NEMP2: variants seen among roughly 807,000 people sequenced by gnomAD.
NEMP2 encodes the protein UPF0571 transmembrane protein.
NEMP2 carries 53 observed loss-of-function variants against 54.2 expected under a neutral mutation model. The ratio of observed to expected loss-of-function variants is 0.98; its 90% CI spans 0.78 to 1.23. The LOEUF is 1.23. NEMP2 is among the 50% of genes most tolerant of loss of function. The pLI is 0.00. For missense variants in NEMP2, 455 were observed against 511.3 expected, an observed-to-expected ratio of 0.89 and a Z score of 1.06; for synonymous variants, 197 against 190.3, an observed-to-expected ratio of 1.04 and a Z score of -0.29.
At position 190,522,268 on chromosome 2, in the gene NEMP2, G is replaced by T. The variant is rs986018712; in HGVS notation, c.213+2995C>A. Among the ~76,000 whole-genome samples the T allele has an allele frequency of 2.6e-5, 4 of 152,050 alleles. No individual in the cohort carries two copies. The highest frequency in any genetic ancestry group is 7.2e-5 in the African/African-American group (3 of 41,402). On this transcript the variant is annotated intron_variant, in intron 2 of 8. Transcript: ENST00000409150. This position sits in a 1 kb window ranked among gnomAD's most constrained non-coding sequence, Gnocchi z 5.0. Reference sequence around the variant, plus strand: ...CAAGGGTTGAAAATCTACTGATTGGGTACTATGGTCACTAGTTGGGGGATG... The same window carrying T: ...CAAGGGTTGAAAATCTACTGATTGGTTACTATGGTCACTAGTTGGGGGATG...
At chr2:190,632,727 C>A in the NEMP2 span, among the ~76,000 whole-genome samples, 3 of 152,148 alleles carry the variant, frequency 2.0e-5, no homozygotes, top group Middle Eastern at 3.2e-3. This position sits in a 1 kb window ranked among gnomAD's most constrained non-coding sequence, Gnocchi z 4.8. Context: ...CTATTCCCAA[C>A]ATTTCCATAA....
the NEMP2 span, among the ~76,000 whole-genome samples, chr2:190,450,774 A>G: frequency 6.6e-6 from 1 of 152,292 alleles, no homozygotes; most frequent in Non-Finnish European, 1.5e-5. Flanking sequence ...TTTATAGGCA[A>G]TGAGCCATTG....
rs777491458 is a variant in NEMP2, at chr2:190,504,497, G to C, written c.*4692C>G. 1.3e-5 allele frequency: 2 copies of C among 152,114 alleles called. No homozygotes were observed. Among genetic ancestry groups the C allele is most frequent in the Non-Finnish European group, 2.9e-5 (2 of 68,024 alleles). 9.4% of individuals were successfully genotyped at this position (152,114 alleles called of 1,614,324 possible). A position where few individuals can be genotyped will look rare whatever the true frequency, so the allele number is the denominator to read the frequency against. ...AAACATTAAGTGGTTGGGGATATGA[G>C]TTAGTTAAGAGACAAAATTAAGCAA... On this transcript the variant is annotated 3_prime_UTR_variant, in exon 9 of 9. Transcript: ENST00000409150. The surrounding 1 kb of genome is among the most constrained non-coding windows in gnomAD (Gnocchi z 5.6).
chr2:190,645,734 G>C, the NEMP2 span, among the ~76,000 whole-genome samples: 1 of 152,168 alleles, frequency 6.6e-6, no homozygotes, highest in Admixed American at 6.5e-5. Flanking sequence ...CATGAAATGT[G>C]ATTTTCCATG....
At chr2:190,618,123 C>T in the NEMP2 span, among the ~76,000 whole-genome samples, 1 of 152,214 alleles carries the variant, frequency 6.6e-6, no homozygotes, top group Non-Finnish European at 1.5e-5. Context: ...AAGACCTGAG[C>T]AGGTTCTCTA....
At chr2:190,587,128 C>T in the NEMP2 span, among the ~76,000 whole-genome samples, 1 of 152,212 alleles carries the variant, frequency 6.6e-6, no homozygotes, top group African/African-American at 2.4e-5. The surrounding 1 kb of genome is among the most constrained non-coding windows in gnomAD (Gnocchi z 5.4). Flanking sequence ...GATCGAGACA[C>T]TTTTCTGTGG....
the NEMP2 span, among the ~76,000 whole-genome samples, chr2:190,636,439 GAAGAATACCATATTGGA>G: frequency 5.3e-5 from 8 of 152,168 alleles, no homozygotes; most frequent in Non-Finnish European, 5.9e-5. Flanking sequence ...TTAAAGTTTG[GAAGAATACCATATTGGA>G]GGCTTTAAGT....
chr2:190,637,042 T>C, the NEMP2 span, among the ~76,000 whole-genome samples: 1 of 152,222 alleles, frequency 6.6e-6, no homozygotes. The surrounding 1 kb of genome is among the most constrained non-coding windows in gnomAD (Gnocchi z 4.5). Context: ...ATTTAAAAAG[T>C]ACAGATTTCC....
At chr2:190,446,522 TAA>T in the NEMP2 span, among the ~76,000 whole-genome samples, 1 of 152,244 alleles carries the variant, frequency 6.6e-6, no homozygotes, top group Admixed American at 6.5e-5. Context: ...ATCTGCCTAA[TAA>T]CTCACTGGGA....
At chr2:190,422,232 A>G in the NEMP2 span, among the ~76,000 whole-genome samples, 1 of 152,186 alleles carries the variant, frequency 6.6e-6, no homozygotes, top group African/African-American at 2.4e-5. Flanking sequence ...GTGTATTGGT[A>G]TTCTACCAGT....
the NEMP2 span, chr2:190,610,160 A>G: frequency 6.6e-6 from 1 of 152,234 alleles, no homozygotes; most frequent in Non-Finnish European, 1.5e-5. The surrounding 1 kb of genome is among the most constrained non-coding windows in gnomAD (Gnocchi z 5.4). Flanking sequence ...CAGGTATACT[A>G]TAGTTTTGAA....
chr2:190,517,187 T>C (rs1233666082), intron 5 of NEMP2, among the ~76,000 whole-genome samples: 1 of 151,446 alleles, frequency 6.6e-6, no homozygotes, highest in African/African-American at 2.4e-5. Context: ...GCCCCAATGG[T>C]TCAGCATCAT....
At chr2:190,587,954 G>C in the NEMP2 span, among the ~76,000 whole-genome samples, 1 of 152,116 alleles carries the variant, frequency 6.6e-6, no homozygotes, top group South Asian at 2.1e-4. This position sits in a 1 kb window ranked among gnomAD's most constrained non-coding sequence, Gnocchi z 5.4. Context: ...TCTACACTGA[G>C]CATGAAAGGA....
At position 190,520,749 on chromosome 2, in the gene NEMP2, A is replaced by G. The variant is rs1402726407; in HGVS notation, c.214-1566T>C. Among the ~76,000 whole-genome samples, 1 of 152,106 alleles carries G rather than the reference A, an allele frequency of 6.6e-6. No individual in the cohort carries two copies. The highest frequency in any genetic ancestry group is 2.4e-5 in the African/African-American group (1 of 41,406). On this transcript the variant is annotated intron_variant, in intron 2 of 8. Transcript: ENST00000409150. The surrounding 1 kb of genome is among the most constrained non-coding windows in gnomAD (Gnocchi z 5.4). ...TGGCCATATCCTGGACCTTGTCAGT[A>G]CCAGACTGCAGCCCCTCCATACATT... is the stretch of plus-strand genomic sequence containing the variant.
At chr2:190,596,315 G>C in the NEMP2 span, among the ~76,000 whole-genome samples, 1 of 152,142 alleles carries the variant, frequency 6.6e-6, no homozygotes, top group Non-Finnish European at 1.5e-5. This position sits in a 1 kb window ranked among gnomAD's most constrained non-coding sequence, Gnocchi z 5.1. Context: ...AGGTTGACGG[G>C]TGCAGCAAAC....
At chr2:190,481,654 T>C in the NEMP2 span, among the ~76,000 whole-genome samples, 2 of 152,238 alleles carry the variant, frequency 1.3e-5, no homozygotes, top group African/African-American at 2.4e-5. Context: ...TATTGTCATA[T>C]TTTCAAAGCC....
chr2:190,636,768 T>C, the NEMP2 span, among the ~76,000 whole-genome samples: 2 of 152,226 alleles, frequency 1.3e-5, no homozygotes, highest in Non-Finnish European at 2.9e-5. Flanking sequence ...TATTTAGTAC[T>C]TATAAGTCAT....
the NEMP2 span, among the ~76,000 whole-genome samples, chr2:190,563,053 G>A: frequency 6.6e-6 from 1 of 152,180 alleles, no homozygotes; most frequent in Non-Finnish European, 1.5e-5. This position sits in a 1 kb window ranked among gnomAD's most constrained non-coding sequence, Gnocchi z 4.3. Flanking sequence ...ATGACTATCT[G>A]TATGATAGCA....
At chr2:190,561,582 A>G in the NEMP2 span, among the ~76,000 whole-genome samples, 2 of 152,302 alleles carry the variant, frequency 1.3e-5, no homozygotes, top group South Asian at 4.1e-4. This position sits in a 1 kb window ranked among gnomAD's most constrained non-coding sequence, Gnocchi z 5.4. Context: ...AATTACCTCT[A>G]TAAAAGCTCT....
Sources: gnomAD v4.1 joint callset for allele counts (sites outside exome capture counted in the v4.1 genomes callset) on GRCh38, gnomAD v4.1.1 for gene constraint, Gnocchi (gnomAD v3.1) non-coding constraint, MANE v1.5 for transcripts, NCBI Gene and HGNC (gene_info 2026-07-23, HGNC 2026-07-21) for gene names.